AGAP1: variants seen among roughly 807,000 people sequenced by gnomAD.
AGAP1 encodes arf-GAP with GTPase, ANK repeat and PH domain-containing protein 1.
AGAP1 carries 29 observed loss-of-function variants against 105.3 expected under a neutral mutation model. The observed-to-expected ratio is 0.28, with a 90% CI of 0.21 to 0.38. The LOEUF is 0.38. Among genes scored for constraint, AGAP1 ranks in the 10% least tolerant of loss-of-function variants. The pLI is 1.00. For missense variants in AGAP1, 998 were observed against 1,165.1 expected (o/e 0.86, Z 2.09); for synonymous variants, 509 against 485.9 (o/e 1.05, Z -0.63).
intron 13 of AGAP1, among the ~76,000 whole-genome samples, chr2:236,008,234 C>T (rs1279710384): frequency 3.9e-5 from 6 of 152,248 alleles, no homozygotes; most frequent in Admixed American, 3.3e-4. Flanking sequence ...CCCAAGGCCT[C>T]GTCGGTTTCT....
rs78483437 is a variant in AGAP1 at position 235,996,125 on chromosome 2, C to T, written c.1645+27502C>T. Among the ~76,000 whole-genome samples the T allele has an allele frequency of 9.5e-3, 1,444 of 152,330 alleles. 32 individuals are homozygous for T. The highest frequency in any genetic ancestry group is 0.033 in the African/African-American group (1,382 of 41,580). On this transcript the variant is annotated intron_variant, in intron 13 of 17. Transcript: ENST00000304032. Reference sequence around the variant, plus strand: ...GCCAGTTAACTGAGATACGATAAATCATTTTTCTCAAGATTGAAACCTTTT... The same window carrying T: ...GCCAGTTAACTGAGATACGATAAATTATTTTTCTCAAGATTGAAACCTTTT...
Position 235,983,204 on chromosome 2 carries a change from G to A in AGAP1, c.1645+14581G>A, listed in dbSNP as rs2055168391. Among the ~76,000 whole-genome samples, 1 of 152,040 alleles carries A rather than the reference G, an allele frequency of 6.6e-6. No homozygotes were observed. The highest frequency in any genetic ancestry group is 2.1e-4 in the South Asian group (1 of 4,802). On this transcript the variant is annotated intron_variant, in intron 13 of 17. Coordinates refer to ENST00000304032, the MANE Select transcript of AGAP1 (RefSeq NM_001037131.3). This position sits in a 1 kb window ranked among gnomAD's most constrained non-coding sequence, Gnocchi z 4.5. ...GGGGTTATGGAAGTGCCCAGCAAGG[G>A]GAGCTGCAGGAGGGTCTCTTTACAG...
chr2:236,025,389 G>C (rs945025227), intron 13 of AGAP1, among the ~76,000 whole-genome samples: 1 of 152,046 alleles, frequency 6.6e-6, no homozygotes, highest in Admixed American at 6.6e-5. Flanking sequence ...TGTCATCACC[G>C]TGTCACTTCG....
At chr2:235,671,120 C>T in intron 1 of AGAP1, 1 of 1,239,438 alleles carries the variant, frequency 8.1e-7, no homozygotes, top group Non-Finnish European at 1.0e-6. Flanking sequence ...GCCGGTTCCG[C>T]AGCGGCTATG....
chr2:235,677,704 G>C (rs949393990), intron 1 of AGAP1, among the ~76,000 whole-genome samples: 1 of 151,700 alleles, frequency 6.6e-6, no homozygotes, highest in Non-Finnish European at 1.5e-5. Context: ...CTGTCATTGC[G>C]AGGGTTTCTT....
intron 16 of AGAP1, among the ~76,000 whole-genome samples, chr2:236,071,984 C>T (rs1302996155): frequency 6.6e-6 from 1 of 152,174 alleles, no homozygotes; most frequent in African/African-American, 2.4e-5. Context: ...GATGACTCTC[C>T]TTCAAATGGT....
At chr2:235,602,670 A>G (rs979957129) in intron 1 of AGAP1, among the ~76,000 whole-genome samples, 1 of 151,586 alleles carries the variant, frequency 6.6e-6, no homozygotes, top group African/African-American at 2.4e-5. Context: ...TCCTGTTTCC[A>G]TTTTCCTTAG....
At chr2:235,915,124 G>T (rs1038120652) in intron 11 of AGAP1, among the ~76,000 whole-genome samples, 3 of 152,134 alleles carry the variant, frequency 2.0e-5, no homozygotes, top group African/African-American at 7.2e-5. Flanking sequence ...CCTGCTCAGA[G>T]CCCACAACCA....
chr2:235,853,093 C>T (rs946832571), intron 9 of AGAP1: 14 of 1,229,716 alleles, frequency 1.1e-5, no homozygotes, highest in South Asian at 8.5e-5. Flanking sequence ...TGAGCGTTTA[C>T]GCTCTTTCTT....
chr2:235,907,701 T>C (rs879676570), intron 10 of AGAP1, among the ~76,000 whole-genome samples: 5 of 152,196 alleles, frequency 3.3e-5, no homozygotes, highest in Admixed American at 2.6e-4. Flanking sequence ...CCTCAGATGC[T>C]CAAGTTCCTT....
rs968383588 is a variant in AGAP1, at chr2:236,040,256, C to A, written c.1801-495C>A. Among the ~76,000 whole-genome samples the A allele has an allele frequency of 1.3e-5, 2 of 152,192 alleles. No homozygotes were observed. Among genetic ancestry groups the A allele is most frequent in the African/African-American group, 2.4e-5 (1 of 41,448 alleles). On this transcript the variant is annotated intron_variant, in intron 14 of 17. Transcript: ENST00000304032. The surrounding 1 kb of genome is among the most constrained non-coding windows in gnomAD (Gnocchi z 5.6). ...TGTCACTGTGGCAACCGAGGGTCTT[C>A]AGATGACATGTGCATCTCCCAGGGT... is the stretch of plus-strand genomic sequence containing the variant.
intron 1 of AGAP1, among the ~76,000 whole-genome samples, chr2:235,673,805 A>G (rs1472359868): frequency 6.6e-6 from 1 of 152,234 alleles, no homozygotes; most frequent in Non-Finnish European, 1.5e-5. Context: ...AAGTGACCTC[A>G]GCTGGTACAG....
At position 235,751,031 on chromosome 2, in the gene AGAP1, T is replaced by A. The variant is rs781201344; in HGVS notation, c.673+543T>A. Among the ~76,000 whole-genome samples, 1 of 152,154 alleles carries A rather than the reference T, an allele frequency of 6.6e-6. No individual in the cohort carries two copies. Among genetic ancestry groups the A allele is most frequent in the Non-Finnish European group, 1.5e-5 (1 of 68,026 alleles). On this transcript the variant is annotated intron_variant, in intron 6 of 17. Coordinates refer to ENST00000304032, the MANE Select transcript of AGAP1 (RefSeq NM_001037131.3). The surrounding 1 kb of genome is among the most constrained non-coding windows in gnomAD (Gnocchi z 5.3). ...AATTGTTTTTAGGTTATTTTATTCA[T>A]TATTGATCACCTACCTTCAGGAACA...
At chr2:235,638,263 G>C (rs1947075552) in intron 1 of AGAP1, among the ~76,000 whole-genome samples, 2 of 152,144 alleles carry the variant, frequency 1.3e-5, no homozygotes, top group Non-Finnish European at 1.5e-5. Flanking sequence ...TAAGGTAGGA[G>C]GTTCGATCAG....
chr2:235,652,634 G>A (rs1014981117), intron 1 of AGAP1, among the ~76,000 whole-genome samples: 41 of 152,248 alleles, frequency 2.7e-4, no homozygotes, highest in African/African-American at 5.3e-4. Flanking sequence ...GCTCACACCC[G>A]TAATCCCAGA....
chr2:236,016,333 T>G (rs1307753556), intron 13 of AGAP1, among the ~76,000 whole-genome samples: 2 of 151,888 alleles, frequency 1.3e-5, no homozygotes, highest in Non-Finnish European at 2.9e-5. Flanking sequence ...CAACTTAGCG[T>G]GCATATCATT....
At position 235,908,619 on chromosome 2, in the gene AGAP1, T is replaced by G; in HGVS notation, c.1156-119T>G. 1.2e-6 allele frequency: 1 copy of G among 840,620 alleles called. No homozygotes were observed. Among genetic ancestry groups the G allele is most frequent in the Non-Finnish European group, 1.8e-6 (1 of 554,316 alleles). 52.1% of individuals were successfully genotyped at this position (840,620 alleles called of 1,614,324 possible). ...AAATCTCATGATTTTTAAAGTACTTTCCACAGTGGAAGGGTCATAGGGTTT... is the reference window on the plus strand; with the variant it reads ...AAATCTCATGATTTTTAAAGTACTTGCCACAGTGGAAGGGTCATAGGGTTT... On this transcript the variant is annotated intron_variant, in intron 10 of 17. Coordinates refer to ENST00000304032, the MANE Select transcript of AGAP1 (RefSeq NM_001037131.3). The surrounding 1 kb of genome is among the most constrained non-coding windows in gnomAD (Gnocchi z 4.4).
intron 11 of AGAP1, among the ~76,000 whole-genome samples, chr2:235,912,530 G>A (rs1371409766): frequency 2.0e-5 from 3 of 152,046 alleles, no homozygotes; most frequent in Admixed American, 1.3e-4. Flanking sequence ...TTCTTAATGC[G>A]ATTGAATTAG....
At chr2:235,940,223 A>G (rs1575832608) in intron 12 of AGAP1, among the ~76,000 whole-genome samples, 1 of 150,818 alleles carries the variant, frequency 6.6e-6, no homozygotes, top group Admixed American at 6.6e-5. Context: ...CTGTACCTCC[A>G]CCTCCTCTGT....
Sources: allele counts gnomAD v4.1 joint callset (sites outside exome capture counted in the v4.1 genomes callset), GRCh38; gene constraint gnomAD v4.1.1; non-coding constraint Gnocchi (gnomAD v3.1); transcripts MANE v1.5; gene names NCBI Gene and HGNC (gene_info 2026-07-23, HGNC 2026-07-21).